Variants in MAP2 observed in about 807,000 individuals in gnomAD.
MAP2 encodes microtubule associated protein 2, also known as microtubule-associated protein 2.
Under a neutral mutation model 137.6 loss-of-function variants are expected in MAP2, and 14 were observed. The observed-to-expected ratio is 0.10, with a 90% CI of 0.07 to 0.16. MAP2 has a LOEUF of 0.16. Among genes scored for constraint, MAP2 ranks in the 10% least tolerant of loss-of-function variants. The pLI is 1.00. For synonymous variants in MAP2, 786 were observed against 782.3 expected (o/e 1.00, Z -0.08); for missense variants, 2,088 against 2,191.5 (o/e 0.95, Z 0.94).
intron 4 of MAP2, among the ~76,000 whole-genome samples, chr2:209,644,671 A>AG (rs565734177): frequency 0.15 from 15,416 of 103,428 alleles, 860 homozygotes; most frequent in African/African-American, 0.34. Context: ...ACCCTGTCTC[A>AG]AAAAAAAAAA....
At chr2:209,462,884 T>C (rs770808856) in intron 1 of MAP2, among the ~76,000 whole-genome samples, 1 of 152,172 alleles carries the variant, frequency 6.6e-6, no homozygotes. Flanking sequence ...AATAATCTTA[T>C]AATAGAGGCT....
chr2:209,695,418 A>T lies in MAP2; in HGVS notation c.3248A>T (p.Lys1083Ile). ...EATQDMTPSS[K>I]APQEADAFMG... ...ACACAGGACATGACCCCCTCATCCA[A>T]AGCACCGCAGGAGGCAGATGCATTT... The change falls in exon 8 of 16, where the codon AAA becomes ATA. Residue 1083 changes from lysine (K) to isoleucine (I), a missense_variant. Physicochemically the swap from Lys to Ile is moderately radical, Grantham distance 102 (BLOSUM62 -3). Transcript: ENST00000682079. The T allele has an allele frequency of 6.2e-7, 1 of 1,613,234 alleles. No individual in the cohort carries two copies. The highest frequency in any genetic ancestry group is 8.5e-7 in the Non-Finnish European group (1 of 1,179,644).
chr2:209,654,051 CAAAGTTT>C (rs763934783), intron 5 of MAP2, among the ~76,000 whole-genome samples: 26 of 152,236 alleles, frequency 1.7e-4, no homozygotes, highest in South Asian at 1.2e-3. Flanking sequence ...TATAGAAAGG[CAAAGTTT>C]AAAGCAGATT....
intron 3 of MAP2, among the ~76,000 whole-genome samples, chr2:209,590,376 C>T (rs906676903): frequency 1.1e-4 from 16 of 152,012 alleles, no homozygotes; most frequent in African/African-American, 3.9e-4. Flanking sequence ...ACTCTTGTTG[C>T]CCAGGCTGGA....
intron 1 of MAP2, among the ~76,000 whole-genome samples, chr2:209,438,608 A>T (rs1258427536): frequency 1.3e-5 from 2 of 151,554 alleles, no homozygotes; most frequent in African/African-American, 4.8e-5. Flanking sequence ...CTATATGTTT[A>T]TGGAGAATCT....
chr2:209,638,340 T>C (rs2093732576), intron 4 of MAP2, among the ~76,000 whole-genome samples: 1 of 152,044 alleles, frequency 6.6e-6, no homozygotes, highest in South Asian at 2.1e-4. Context: ...TGACAAGGAT[T>C]CTCTGTATGC....
At position 209,730,521 on chromosome 2, in the gene MAP2, G is replaced by C; in HGVS notation, c.*124G>C. Reference sequence around the variant, plus strand: ...AAATAAATAATCTCATCCCCAAACTGTAGTAATTGTTACAATTTTCTATTT... The same window carrying C: ...AAATAAATAATCTCATCCCCAAACTCTAGTAATTGTTACAATTTTCTATTT... On this transcript the variant is annotated 3_prime_UTR_variant, in exon 16 of 16. Transcript: ENST00000682079. 1 of 680,682 alleles carries C rather than the reference G, an allele frequency of 1.5e-6. No individual in the cohort carries two copies. The highest frequency in any genetic ancestry group is 2.5e-6 in the Non-Finnish European group (1 of 407,988). The allele number at this position is 680,682 out of a possible 1,614,324, so 42.2% of individuals were successfully genotyped here.
intron 1 of MAP2, among the ~76,000 whole-genome samples, chr2:209,480,550 G>GTTTC (rs1553553109): frequency 9.5e-4 from 145 of 151,978 alleles, no homozygotes; most frequent in African/African-American, 3.4e-3. Context: ...TTGTTTGTTT[G>GTTTC]TTTGTTTGTT....
At chr2:209,614,186 A>G (rs1440142063) in intron 3 of MAP2, among the ~76,000 whole-genome samples, 2 of 151,924 alleles carry the variant, frequency 1.3e-5, no homozygotes, top group Non-Finnish European at 2.9e-5. Flanking sequence ...CCCTCATCTC[A>G]GTGGTGCCTG....
chr2:209,579,336 A>G (rs990488700), intron 2 of MAP2: 4 of 152,260 alleles, frequency 2.6e-5, no homozygotes, highest in African/African-American at 4.8e-5. Context: ...GATGACATTC[A>G]TAGGCTGATA....
chr2:209,676,815 C>CAATT (rs1196242203), intron 5 of MAP2, among the ~76,000 whole-genome samples: 1 of 142,390 alleles, frequency 7.0e-6, no homozygotes, highest in Non-Finnish European at 1.5e-5. Flanking sequence ...TTATTACACT[C>CAATT]AATTTTTCCA....
At chr2:209,678,484 A>G in intron 5 of MAP2, 88 bp from the exon 6 acceptor site, 1 of 520,826 alleles carries the variant, frequency 1.9e-6, no homozygotes, top group Admixed American at 3.5e-5. Context: ...AAATGAAATT[A>G]TAATCCACTA....
At chr2:209,493,886 T>C (rs1200692088) in intron 1 of MAP2, among the ~76,000 whole-genome samples, 2 of 152,152 alleles carry the variant, frequency 1.3e-5, no homozygotes, top group Non-Finnish European at 2.9e-5. Context: ...GATTCCTCAA[T>C]GATCTAGAAC....
intron 2 of MAP2, among the ~76,000 whole-genome samples, chr2:209,556,535 G>C (rs1578137298): frequency 6.6e-6 from 1 of 152,204 alleles, no homozygotes; most frequent in Non-Finnish European, 1.5e-5. Context: ...CACATAGTAA[G>C]TGCTACAACT....
At chr2:209,503,617 T>A (rs995043027) in intron 1 of MAP2, among the ~76,000 whole-genome samples, 3 of 152,150 alleles carry the variant, frequency 2.0e-5, no homozygotes, top group African/African-American at 7.2e-5. Flanking sequence ...TTTTCATTCT[T>A]TTACATGTAG....
chr2:209,697,554 G>A (rs2060534500), intron 10 of MAP2, among the ~76,000 whole-genome samples: 1 of 151,964 alleles, frequency 6.6e-6, no homozygotes, highest in Non-Finnish European at 1.5e-5. Flanking sequence ...AAGTGAAATT[G>A]TGGTTTGCAA....
chr2:209,627,034 C>CTTACT lies in MAP2; in HGVS notation c.-30+1906_-30+1907insTACTT, dbSNP rs2153536978. On this transcript the variant is annotated intron_variant, in intron 4 of 15. Coordinates refer to ENST00000682079, the MANE Select transcript of MAP2 (RefSeq NM_001375505.1). ...TTTTATTTGGTTTGTAAGGATCTTA[C>CTTACT]TAATCTAATGGGACTCATGATTTTC... Among the ~76,000 whole-genome samples the CTTACT allele has an allele frequency of 2.0e-5, 3 of 152,082 alleles. No individual in the cohort carries two copies. In the East Asian group the frequency reaches 5.8e-4, roughly 29 times the overall value.
intron 3 of MAP2, among the ~76,000 whole-genome samples, chr2:209,590,768 T>C (rs2079045202): frequency 6.6e-6 from 1 of 152,218 alleles, no homozygotes; most frequent in Admixed American, 6.5e-5. Flanking sequence ...GTGGGTTTGA[T>C]TGAAGAGTGC....
chr2:209,591,986 CTG>C (rs1340879895), intron 3 of MAP2, among the ~76,000 whole-genome samples: 1 of 152,126 alleles, frequency 6.6e-6, no homozygotes, highest in African/African-American at 2.4e-5. Flanking sequence ...GAATCAAACA[CTG>C]TAATCAGAAC....
Sources: allele counts gnomAD v4.1 joint callset (sites outside exome capture counted in the v4.1 genomes callset), GRCh38; gene constraint gnomAD v4.1.1; transcripts MANE v1.5; gene names NCBI Gene and HGNC (gene_info 2026-07-23, HGNC 2026-07-21).